The following CWC27 variants were observed in gnomAD, a reference collection of about 807,000 sequenced individuals.
The protein encoded by CWC27 is spliceosome-associated protein CWC27 homolog.
CWC27 carries 47 observed loss-of-function variants against 63.6 expected under a neutral mutation model. The ratio of observed to expected loss-of-function variants is 0.74; its 90% confidence interval spans 0.58 to 0.94. The LOEUF is 0.94. CWC27 is among the 40% of genes least tolerant of loss of function. The pLI, the probability that CWC27 is intolerant of heterozygous loss-of-function variation, is 0.00. For missense variants in CWC27, 495 were observed against 554.3 expected, an observed-to-expected ratio of 0.89 and a Z score of 1.07; for synonymous variants, 175 against 179.8, an observed-to-expected ratio of 0.97 and a Z score of 0.22.
At position 64,781,976 on chromosome 5, in the gene CWC27, C is replaced by A. The variant is rs749180749; in HGVS notation, c.195C>A (p.Gly65=). 23 of 1,603,774 alleles carry A rather than the reference C, an allele frequency of 1.4e-5. No homozygotes were observed. Among genetic ancestry groups the A allele is most frequent in the Non-Finnish European group, 2.0e-5 (23 of 1,173,308 alleles). ...HRVVPGFIVQ[G]GDPTGTGSGG... ...TTGTGCCTGGTTTCATAGTCCAAGG[C>A]GGAGATCCTACTGGCACAGGGAGTG... The change falls in exon 3 of 14, where the codon GGC becomes GGA. Residue 65 remains glycine, a synonymous_variant. Coordinates refer to ENST00000381070, the MANE Select transcript of CWC27 (RefSeq NM_005869.4).
chr5:64,965,833 C>T (rs1397292022), intron 11 of CWC27, among the ~76,000 whole-genome samples: 1 of 152,158 alleles, frequency 6.6e-6, no homozygotes, highest in Non-Finnish European at 1.5e-5. Flanking sequence ...CCATCACTAC[C>T]ACTAATTGCC....
At position 64,916,667 on chromosome 5, in the gene CWC27, A is replaced by G. The variant is rs139860728; in HGVS notation, c.1042+31121A>G. On this transcript the variant is annotated intron_variant, in intron 11 of 13. Coordinates refer to ENST00000381070, the MANE Select transcript of CWC27 (RefSeq NM_005869.4). ...AGAGACAGATATTAATTGCTGATTG[A>G]TCATGGGTCACTCTGTCATCAGGGG... is the stretch of plus-strand genomic sequence containing the variant. Among the ~76,000 whole-genome samples the G allele has an allele frequency of 2.1e-3, 327 of 152,236 alleles. 1 individual carries two copies. The highest frequency in any genetic ancestry group is 7.3e-3 in the African/African-American group (305 of 41,544).
At chr5:64,804,758 G>A (rs16893151) in intron 10 of CWC27, 3,449 of 157,254 alleles carry the variant, frequency 0.022, 125 homozygotes, top group African/African-American at 0.072. Flanking sequence ...AAATAATTTC[G>A]GTAAGCAAAA....
chr5:64,950,423 A>G (rs932127939), intron 11 of CWC27, among the ~76,000 whole-genome samples: 2 of 151,952 alleles, frequency 1.3e-5, no homozygotes, highest in Admixed American at 1.3e-4. Context: ...TTCAGGAAAC[A>G]TTTGATGCTT....
chr5:64,847,896 T>C (rs1746032148), intron 10 of CWC27, among the ~76,000 whole-genome samples: 1 of 151,410 alleles, frequency 6.6e-6, no homozygotes, highest in Admixed American at 6.6e-5. Context: ...GAGGAATGTT[T>C]ATAGCAAAAA....
At chr5:64,917,625 CAATT>C (rs142666399) in intron 11 of CWC27, among the ~76,000 whole-genome samples, 10,051 of 152,102 alleles carry the variant, frequency 0.066, 1,126 homozygotes, top group African/African-American at 0.23. Context: ...CTCATCCAAT[CAATT>C]GAGGGCCTGA....
At chr5:64,952,218 G>C (rs1437494099) in intron 11 of CWC27, among the ~76,000 whole-genome samples, 1 of 151,798 alleles carries the variant, frequency 6.6e-6, no homozygotes, top group African/African-American at 2.4e-5. Context: ...AGGAAATAAT[G>C]ACAAGAAAAA....
Position 64,999,064 on chromosome 5 carries a change from A to C in CWC27, c.1257-19095A>C, listed in dbSNP as rs142401987. Among the ~76,000 whole-genome samples, 194 of 146,994 alleles carry C rather than the reference A, an allele frequency of 1.3e-3. 1 individual carries two copies. Among genetic ancestry groups the C allele is most frequent in the African/African-American group, 4.5e-3 (180 of 40,288 alleles). ...AGTTCCAGTGGCCTTATTTTCCAGA[A>C]CTTTTTTTTTTTACATAGTTTGATC... On this transcript the variant is annotated intron_variant, in intron 13 of 13. Coordinates refer to ENST00000381070, the MANE Select transcript of CWC27 (RefSeq NM_005869.4).
chr5:64,878,859 G>A (rs1294657503), intron 10 of CWC27, among the ~76,000 whole-genome samples: 1 of 151,900 alleles, frequency 6.6e-6, no homozygotes, highest in Non-Finnish European at 1.5e-5. Flanking sequence ...AAAGTAGTTT[G>A]AAGTTAGGTC....
chr5:64,769,607 GGGTAA>G (rs1356421473), intron 1 of CWC27, among the ~76,000 whole-genome samples: 3 of 152,200 alleles, frequency 2.0e-5, no homozygotes, highest in African/African-American at 7.2e-5. Context: ...AAAGATGGAT[GGGTAA>G]GGTAGTTGTT....
Position 64,774,697 on chromosome 5 carries a change from T to C in CWC27, c.49T>C (p.Leu17=), listed in dbSNP as rs369814947. ...TGTAATATTCTTTCTACAGGTTTTA[T>C]TGAAAACTACAGCTGGAGATATTGA... ...QEPPTNGKVL[L]KTTAGDIDIE... Residue 17 remains leucine, a synonymous_variant, in exon 2 of 14, where the codon TTG becomes CTG. Coordinates refer to ENST00000381070, the MANE Select transcript of CWC27 (RefSeq NM_005869.4). The C allele has an allele frequency of 4.3e-5, 67 of 1,559,690 alleles. 1 individual carries two copies. The highest frequency in any genetic ancestry group is 4.2e-4 in the East Asian group (18 of 43,158).
Position 64,774,812 on chromosome 5 carries a change from A to T in CWC27, c.139+25A>T, listed in dbSNP as rs373625212. 9.7e-4 allele frequency: 1,247 copies of T among 1,285,404 alleles called. 1 individual carries two copies. Among genetic ancestry groups the T allele is most frequent in the Non-Finnish European group, 1.3e-3 (1,187 of 904,444 alleles). 79.6% of individuals were successfully genotyped at this position (1,285,404 alleles called of 1,614,324 possible). A position where few individuals can be genotyped will look rare whatever the true frequency, so the allele number is the denominator to read the frequency against. ...GGTATGTTGACTTTTATTCTACTGG[A>T]GAAATTCTTGTTAATTTAAAAATAA... On this transcript the variant is annotated intron_variant, in intron 2 of 13. Transcript: ENST00000381070.
At chr5:64,959,659 A>T (rs77161624) in intron 11 of CWC27, among the ~76,000 whole-genome samples, 4,712 of 152,284 alleles carry the variant, frequency 0.031, 108 homozygotes, top group Non-Finnish European at 0.051. Flanking sequence ...CCTCAACTTA[A>T]TTAGGCAACC....
At chr5:65,013,961 T>C (rs939692112) in intron 13 of CWC27, among the ~76,000 whole-genome samples, 7 of 152,124 alleles carry the variant, frequency 4.6e-5, no homozygotes, top group Non-Finnish European at 8.8e-5. Context: ...TTCCCATTGA[T>C]ACAAATAGCT....
intron 11 of CWC27, among the ~76,000 whole-genome samples, chr5:64,887,951 T>C (rs557908835): frequency 6.6e-6 from 1 of 152,204 alleles, no homozygotes; most frequent in Admixed American, 6.5e-5. Context: ...ATACTGATAA[T>C]AAAACATAAT....
rs149107439 is a variant in CWC27 at position 64,900,998 on chromosome 5, AT to A, written c.1042+15464del. 2.0e-3 allele frequency among the ~76,000 whole-genome samples: 287 copies of A among 144,982 alleles called. 1 individual carries two copies. Among genetic ancestry groups the A allele is most frequent in the African/African-American group, 2.3e-3 (94 of 40,016 alleles). ...TAAAACATTATGAGACTTTTTTGTG[AT>A]TTTTTTTTTTTAGCTCATCAGCTAT... On this transcript the variant is annotated intron_variant, in intron 11 of 13. Coordinates refer to ENST00000381070, the MANE Select transcript of CWC27 (RefSeq NM_005869.4).
At chr5:64,982,077 A>T (rs140466855) in intron 13 of CWC27, among the ~76,000 whole-genome samples, 1 of 152,218 alleles carries the variant, frequency 6.6e-6, no homozygotes, top group Non-Finnish European at 1.5e-5. Context: ...TGGAGTTAGC[A>T]TAGTGCAGAA....
At chr5:64,959,789 A>G (rs1478150918) in intron 11 of CWC27, among the ~76,000 whole-genome samples, 3 of 152,224 alleles carry the variant, frequency 2.0e-5, no homozygotes, top group African/African-American at 7.2e-5. Flanking sequence ...TCAGGACCTA[A>G]AAATGATCTA....
chr5:64,825,104 G>C (rs994382098), intron 10 of CWC27, among the ~76,000 whole-genome samples: 5 of 152,076 alleles, frequency 3.3e-5, no homozygotes, highest in Non-Finnish European at 7.4e-5. Flanking sequence ...AGAAGTAAAA[G>C]AAAATGAGCA....
Sources: allele counts gnomAD v4.1 joint callset (sites outside exome capture counted in the v4.1 genomes callset), GRCh38; gene constraint gnomAD v4.1.1; transcripts MANE v1.5; gene names NCBI Gene and HGNC (gene_info 2026-07-23, HGNC 2026-07-21).